Variants in PCLO observed in about 807,000 individuals in gnomAD.
The protein encoded by PCLO is protein piccolo.
Under a neutral mutation model 427.5 loss-of-function variants are expected in PCLO, and 82 were observed. The ratio of observed to expected loss-of-function variants is 0.19; its 90% confidence interval spans 0.16 to 0.23. The LOEUF (loss-of-function observed/expected upper bound fraction) is 0.23, where lower values mean the gene tolerates loss of function less well. PCLO is among the 10% of genes least tolerant of loss of function. The pLI, the probability that PCLO is intolerant of heterozygous loss-of-function variation, is 1.00. For missense variants in PCLO, 6,239 were observed against 6,115.9 expected, an observed-to-expected ratio of 1.02 and a Z score of -0.67; for synonymous variants, 2,357 against 2,155.4, an observed-to-expected ratio of 1.09 and a Z score of -2.59.
chr7:83,051,319 C>T (rs374056076), intron 3 of PCLO, among the ~76,000 whole-genome samples: 15 of 152,044 alleles, frequency 9.9e-5, no homozygotes, highest in South Asian at 4.2e-4. Context: ...AAAGAGTCAA[C>T]GAAAAATAAC....
intron 22 of PCLO, among the ~76,000 whole-genome samples, chr7:82,793,638 TTAA>T (rs2129468461): frequency 6.6e-6 from 1 of 152,344 alleles, no homozygotes; most frequent in African/African-American, 2.4e-5. Context: ...ATTCAGATTT[TTAA>T]TAACTGCTAA....
At chr7:82,841,557 A>G (rs1792366617) in intron 13 of PCLO, 48 bp from the exon 14 acceptor site, 1 of 1,133,482 alleles carries the variant, frequency 8.8e-7, no homozygotes. Context: ...CATTTTTCAC[A>G]TAATTTATCA....
chr7:82,794,454 T>TTTTTTC (rs1448936208), intron 22 of PCLO, among the ~76,000 whole-genome samples: 2 of 89,996 alleles, frequency 2.2e-5, no homozygotes, highest in Admixed American at 1.4e-4. Flanking sequence ...TCATAAATTT[T>TTTTTTC]TTTTCTTTTT....
intron 3 of PCLO, among the ~76,000 whole-genome samples, chr7:83,080,053 A>G (rs2371538): frequency 0.28 from 42,786 of 151,956 alleles, 7,108 homozygotes; most frequent in East Asian, 0.56. Flanking sequence ...ACATGATCTC[A>G]TTCCTTTTCA....
chr7:83,111,906 C>T (rs769787511), intron 3 of PCLO, among the ~76,000 whole-genome samples: 22 of 152,154 alleles, frequency 1.4e-4, no homozygotes, highest in Non-Finnish European at 2.6e-4. Context: ...GAGCAAATCA[C>T]ATCATTTTTA....
chr7:82,929,881 G>A (rs997762762), intron 6 of PCLO, among the ~76,000 whole-genome samples: 7 of 151,978 alleles, frequency 4.6e-5, no homozygotes, highest in East Asian at 1.9e-4. Flanking sequence ...CTGTCCATCC[G>A]TCTAATAAAT....
rs73171312 is a variant in PCLO, at chr7:82,846,557, T to A, written c.13831+10A>T. 8.0e-3 allele frequency: 12,624 copies of A among 1,584,706 alleles called. 60 individuals carry two copies. Among genetic ancestry groups the A allele is most frequent in the Non-Finnish European group, 9.7e-3 (11,272 of 1,156,698 alleles). ...TTATTTACAGTTGAAACTAGATTTC[T>A]TTTACCTACCAGCTTTTGGTGGCTC... On this transcript the variant is annotated intron_variant, in intron 12 of 24. Coordinates refer to ENST00000333891, the MANE Select transcript of PCLO (RefSeq NM_033026.6).
intron 3 of PCLO, among the ~76,000 whole-genome samples, chr7:83,124,310 C>T (rs1791368387): frequency 1.4e-5 from 2 of 147,076 alleles, no homozygotes; most frequent in Non-Finnish European, 3.0e-5. Flanking sequence ...GCCGAGATAG[C>T]ACCACTGTAC....
intron 9 of PCLO, among the ~76,000 whole-genome samples, chr7:82,891,748 G>T (rs1017590246): frequency 6.6e-6 from 1 of 151,962 alleles, no homozygotes; most frequent in Non-Finnish European, 1.5e-5. Context: ...ATCATGAAGC[G>T]CTGTTGAATT....
intron 22 of PCLO, among the ~76,000 whole-genome samples, chr7:82,790,309 A>T (rs139788758): frequency 2.0e-5 from 3 of 152,232 alleles, no homozygotes; most frequent in African/African-American, 7.2e-5. Flanking sequence ...CAGATATTTC[A>T]TAATTTATCT....
At chr7:82,902,868 CATGATGGCAATTT>C in intron 8 of PCLO, 127 bp from the exon 9 acceptor site, 1 of 590,124 alleles carries the variant, frequency 1.7e-6, no homozygotes, top group East Asian at 2.8e-5. Flanking sequence ...GAGATTCTCA[CATGATGGCAATTT>C]AAACATCTTA....
chr7:82,861,071 A>G (rs1032358857), intron 10 of PCLO, among the ~76,000 whole-genome samples: 5 of 151,970 alleles, frequency 3.3e-5, no homozygotes, highest in Non-Finnish European at 7.4e-5. Context: ...ACCAGAAAAT[A>G]AACAACAAAA....
At position 82,950,493 on chromosome 7, in the gene PCLO, A is replaced by G; in HGVS notation, c.10095T>C (p.Ile3365=). The G allele has an allele frequency of 6.2e-7, 1 of 1,613,722 alleles. No homozygotes were observed. Among genetic ancestry groups the G allele is most frequent in the Non-Finnish European group, 8.5e-7 (1 of 1,179,820 alleles). The change falls in exon 6 of 25, where the codon ATT becomes ATC. Residue 3365 remains isoleucine, a synonymous_variant. Coordinates refer to ENST00000333891, the MANE Select transcript of PCLO (RefSeq NM_033026.6). ...ATTTASAVVA[I]EIPQSQGWYT... The stretch of plus-strand genomic sequence containing the variant: ...ACCATCCTTGGCTTTGTGGTATTTC[A>G]ATTGCCACAACAGCTGAAGCTGTGG...
Position 82,845,262 on chromosome 7 carries a change from A to G in PCLO, c.14046+9T>C. ...CAAGTGGGTCAGAGGTCACATCAAC[A>G]ATCCTCACCTTGCTGCTGCCGTGCT... On this transcript the variant is annotated intron_variant, in intron 13 of 24. Transcript: ENST00000333891. 6.2e-7 allele frequency: 1 copy of G among 1,609,230 alleles called. No homozygotes were observed.
rs777865060 is a variant in PCLO, at chr7:82,950,473, C to G, written c.10115G>C (p.Gly3372Ala). The change falls in exon 6 of 25, where the codon GGA (glycine) becomes GCA (alanine). Residue 3372 changes from glycine to alanine, a missense_variant. Coordinates refer to ENST00000333891, the MANE Select transcript of PCLO (RefSeq NM_033026.6). ...ACCATCAGACTGAACGGTGTACCAT[C>G]CTTGGCTTTGTGGTATTTCAATTGC... ...VVAIEIPQSQ[G>A]WYTVQSDGVT... 1.2e-6 allele frequency: 2 copies of G among 1,613,580 alleles called. No individual in the cohort carries two copies. Among genetic ancestry groups the G allele is most frequent in the African/African-American group, 2.7e-5 (2 of 74,850 alleles).
chr7:82,990,977 T>C (rs559187693), intron 3 of PCLO, among the ~76,000 whole-genome samples: 1 of 152,282 alleles, frequency 6.6e-6, no homozygotes, highest in East Asian at 1.9e-4. Flanking sequence ...TAGAATGAGC[T>C]AATAGACCAG....
At chr7:83,100,229 A>G (rs1004662109) in intron 3 of PCLO, among the ~76,000 whole-genome samples, 1 of 152,172 alleles carries the variant, frequency 6.6e-6, no homozygotes, top group Non-Finnish European at 1.5e-5. Flanking sequence ...AAATTAGTTC[A>G]GCTACTGTGG....
intron 3 of PCLO, among the ~76,000 whole-genome samples, chr7:83,100,905 A>G (rs1240145965): frequency 6.6e-6 from 1 of 152,166 alleles, no homozygotes; most frequent in Non-Finnish European, 1.5e-5. Flanking sequence ...AGCGATATAC[A>G]AACACATAAA....
At chr7:83,138,189 C>A (rs1428346635) in intron 2 of PCLO, among the ~76,000 whole-genome samples, 1 of 152,182 alleles carries the variant, frequency 6.6e-6, no homozygotes. Flanking sequence ...CGTGCAAGAT[C>A]TGTATCCACA....
Sources: allele counts gnomAD v4.1 joint callset (sites outside exome capture counted in the v4.1 genomes callset), GRCh38; gene constraint gnomAD v4.1.1; transcripts MANE v1.5; gene names NCBI Gene and HGNC (gene_info 2026-07-23, HGNC 2026-07-21).